Variants in COL5A1 observed in about 807,000 individuals in gnomAD.
COL5A1 encodes the protein collagen alpha-1(V) chain.
In COL5A1, 16 loss-of-function variants were observed where a neutral mutation model predicts 263.7. The observed-to-expected ratio is 0.06, with a 90% CI of 0.04 to 0.09. The LOEUF (loss-of-function observed/expected upper bound fraction) is 0.09. Ranked by LOEUF, COL5A1 falls within the 10% of genes least tolerant of loss-of-function variation. COL5A1 has a pLI of 1.00. For synonymous variants in COL5A1, 1,012 were observed against 1,004.5 expected (o/e 1.01, Z -0.14); for missense variants, 2,036 against 2,540.5 (o/e 0.80, Z 4.27).
At position 134,731,564 on chromosome 9, in the gene COL5A1, C is replaced by T. The variant is rs1834881470; in HGVS notation, c.1233C>T (p.Asn411=). The change falls in exon 8 of 66, where the codon AAC becomes AAT. Residue 411 remains asparagine (N), a synonymous_variant. Coordinates refer to ENST00000371817, the MANE Select transcript of COL5A1 (RefSeq NM_000093.5). ...AGTTCACTGAGGAAACGATCCGGAACCTTGACGAGAACTACTACGACCCCT... is the reference window on the plus strand; with the variant it reads ...AGTTCACTGAGGAAACGATCCGGAATCTTGACGAGAACTACTACGACCCCT... The part of the protein sequence containing the change: ...EGEFTEETIR[N]LDENYYDPYY... 2 of 1,614,214 alleles carry T rather than the reference C, an allele frequency of 1.2e-6. No homozygotes were observed. Among genetic ancestry groups the T allele is most frequent in the Middle Eastern group, 1.6e-4 (1 of 6,062 alleles).
At chr9:134,783,504 G>A (rs548887092) in intron 29 of COL5A1, among the ~76,000 whole-genome samples, 2 of 152,156 alleles carry the variant, frequency 1.3e-5, no homozygotes, top group Admixed American at 6.5e-5. Flanking sequence ...ACCTCTCAGC[G>A]AGCAGAAGCC....
chr9:134,774,742 TG>T, intron 26 of COL5A1, 116 bp from the exon 27 acceptor site: 1 of 1,059,018 alleles, frequency 9.4e-7, no homozygotes, highest in Non-Finnish European at 1.4e-6. Context: ...GGCTCTGAGC[TG>T]GGATGTTCGC....
intron 18 of COL5A1, among the ~76,000 whole-genome samples, chr9:134,760,398 CCCCACACT>C (rs1489015545): frequency 1.1e-5 from 1 of 94,372 alleles, no homozygotes; most frequent in African/African-American, 6.2e-5. Flanking sequence ...ACCCCCACAC[CCCCACACT>C]CATACACACA....
Position 134,678,057 on chromosome 9 carries a change from C to T in COL5A1, c.110-12855C>T, listed in dbSNP as rs1296740793. On this transcript the variant is annotated intron_variant, in intron 1 of 65. Coordinates refer to ENST00000371817, the MANE Select transcript of COL5A1 (RefSeq NM_000093.5). The surrounding 1 kb of genome is among the most constrained non-coding windows in gnomAD (Gnocchi z 5.5). ...GAGCCTCGCTCTGCCCTCATCATGG[C>T]CCCAGTGCTCTCCCCAGCGTCACTC... Among the ~76,000 whole-genome samples, 2 of 152,254 alleles carry T rather than the reference C, an allele frequency of 1.3e-5. No homozygotes were observed. The highest frequency in any genetic ancestry group is 2.9e-5 in the Non-Finnish European group (2 of 68,044).
In COL5A1 at chr9:134,678,039, G is replaced by A. The variant is rs957189909; in HGVS notation, c.110-12873G>A. Among the ~76,000 whole-genome samples, 2 of 152,206 alleles carry A rather than the reference G, an allele frequency of 1.3e-5. No individual in the cohort carries two copies. The highest frequency in any genetic ancestry group is 2.9e-5 in the Non-Finnish European group (2 of 68,034). The stretch of plus-strand genomic sequence containing the variant: ...TCCGCTCTTCCTCGGATTGAGCCTC[G>A]CTCTGCCCTCATCATGGCCCCAGTG... On this transcript the variant is annotated intron_variant, in intron 1 of 65. Transcript: ENST00000371817. This position sits in a 1 kb window ranked among gnomAD's most constrained non-coding sequence, Gnocchi z 5.5.
chr9:134,695,671 G>A (rs1249795791), intron 2 of COL5A1, among the ~76,000 whole-genome samples: 1 of 152,184 alleles, frequency 6.6e-6, no homozygotes, highest in Non-Finnish European at 1.5e-5. Context: ...ATAAGATGCG[G>A]GGTTCCCACC....
At chr9:134,819,866 A>G (rs1838922920) in intron 57 of COL5A1, among the ~76,000 whole-genome samples, 1 of 152,154 alleles carries the variant, frequency 6.6e-6, no homozygotes, top group Non-Finnish European at 1.5e-5. Flanking sequence ...CCCCTTTATC[A>G]CTTTGGTCTG....
chr9:134,698,135 A>G (rs1259196106), intron 2 of COL5A1, among the ~76,000 whole-genome samples: 1 of 152,216 alleles, frequency 6.6e-6, no homozygotes, highest in East Asian at 1.9e-4. Context: ...GCTTGTGTCT[A>G]GACATGGGAG....
intron 1 of COL5A1, among the ~76,000 whole-genome samples, chr9:134,661,015 G>A (rs568326418): frequency 6.6e-6 from 1 of 152,018 alleles, no homozygotes; most frequent in Non-Finnish European, 1.5e-5. Flanking sequence ...CATGCACCTG[G>A]GTTCTTTTAG....
rs1445654878 is a variant in COL5A1 at position 134,833,118 on chromosome 9, G to A, written c.5137-1853G>A. 3.4e-5 allele frequency among the ~76,000 whole-genome samples: 5 copies of A among 147,482 alleles called. 1 individual carries two copies. Among genetic ancestry groups the A allele is most frequent in the African/African-American group, 1.1e-4 (4 of 37,046 alleles). The stretch of plus-strand genomic sequence containing the variant: ...TTCCCTGATGCTGCAAACAGGACAG[G>A]CTGCCCTGCCCAGCCAGGCCTTCCC... On this transcript the variant is annotated intron_variant, in intron 64 of 65. Coordinates refer to ENST00000371817, the MANE Select transcript of COL5A1 (RefSeq NM_000093.5).
intron 1 of COL5A1, among the ~76,000 whole-genome samples, chr9:134,671,480 A>T (rs568075082): frequency 6.6e-6 from 1 of 152,296 alleles, no homozygotes; most frequent in African/African-American, 2.4e-5. Context: ...CGGGGAAGTA[A>T]TGTAAAATAT....
chr9:134,792,077 C>A (rs1564461593), intron 32 of COL5A1, among the ~76,000 whole-genome samples: 1 of 152,192 alleles, frequency 6.6e-6, no homozygotes, highest in Admixed American at 6.5e-5. Context: ...GGAAAGCAGG[C>A]AGAGCTGTGG....
chr9:134,802,016 C>T lies in COL5A1; in HGVS notation c.3006+9C>T. 6.2e-7 allele frequency: 1 copy of T among 1,613,210 alleles called. No homozygotes were observed. The highest frequency in any genetic ancestry group is 1.1e-5 in the South Asian group (1 of 91,086). Reference sequence around the variant, plus strand: ...GCGTGGTCGGCCCTCAGGTAAGCTCCAGCCTTCCCAGATTCCATGGGTCAC... The same window carrying T: ...GCGTGGTCGGCCCTCAGGTAAGCTCTAGCCTTCCCAGATTCCATGGGTCAC... On this transcript the variant is annotated intron_variant, in intron 38 of 65. Transcript: ENST00000371817.
intron 4 of COL5A1, among the ~76,000 whole-genome samples, chr9:134,719,429 T>C (rs945124493): frequency 1.8e-4 from 27 of 152,198 alleles, no homozygotes; most frequent in African/African-American, 6.3e-4. Flanking sequence ...CACGCACACG[T>C]ATGTATGCAC....
At position 134,742,047 on chromosome 9, in the gene COL5A1, C is replaced by T. The variant is rs1286138899; in HGVS notation, c.1494+3239C>T. Among the ~76,000 whole-genome samples the T allele has an allele frequency of 6.6e-6, 1 of 152,194 alleles. No homozygotes were observed. The highest frequency in any genetic ancestry group is 1.5e-5 in the Non-Finnish European group (1 of 68,040). On this transcript the variant is annotated intron_variant, in intron 11 of 65. Transcript: ENST00000371817. This position sits in a 1 kb window ranked among gnomAD's most constrained non-coding sequence, Gnocchi z 4.6. Reference sequence around the variant, plus strand: ...GTCTGTGCACCTGTGCCGTGGCATCCCACTGGGTATCATGCAGCCCTGACC... The same window carrying T: ...GTCTGTGCACCTGTGCCGTGGCATCTCACTGGGTATCATGCAGCCCTGACC...
intron 18 of COL5A1, among the ~76,000 whole-genome samples, chr9:134,760,817 C>CAT (rs1836384809): frequency 1.3e-5 from 2 of 148,586 alleles, no homozygotes; most frequent in Admixed American, 1.3e-4. Context: ...CACACCCCCA[C>CAT]ATGCATACAC....
At chr9:134,762,126 T>G (rs1210108759) in intron 19 of COL5A1, 148 bp downstream of exon 19, 3 of 801,524 alleles carry the variant, frequency 3.7e-6, no homozygotes, top group Non-Finnish European at 6.4e-6. Context: ...GGGATTCCAG[T>G]GGGCAAAGCG....
At position 134,809,167 on chromosome 9, in the gene COL5A1, C is replaced by G. The variant is rs1166753078; in HGVS notation, c.3367-16C>G. Reference sequence around the variant, plus strand: ...GTTGGAGCCACGTTTGACCTGAGATCTTCTGTATTCTCTAGGGCGAGAAAG... The same window carrying G: ...GTTGGAGCCACGTTTGACCTGAGATGTTCTGTATTCTCTAGGGCGAGAAAG... On this transcript the variant is annotated splice_polypyrimidine_tract_variant and intron_variant, in intron 42 of 65. Coordinates refer to ENST00000371817, the MANE Select transcript of COL5A1 (RefSeq NM_000093.5). 6 of 1,559,474 alleles carry G rather than the reference C, an allele frequency of 3.8e-6. No homozygotes were observed. The Admixed American group carries it at 1.1e-4, about 30-fold the overall frequency.
intron 63 of COL5A1, among the ~76,000 whole-genome samples, chr9:134,828,498 C>CACCACACAT (rs1327809376): frequency 6.0e-4 from 91 of 151,060 alleles, no homozygotes; most frequent in Non-Finnish European, 9.5e-4. Context: ...ACAGGCCACA[C>CACCACACAT]ACCACACATA....
Sources: allele counts gnomAD v4.1 joint callset (sites outside exome capture counted in the v4.1 genomes callset), GRCh38; gene constraint gnomAD v4.1.1; non-coding constraint Gnocchi (gnomAD v3.1); transcripts MANE v1.5; gene names NCBI Gene and HGNC (gene_info 2026-07-23, HGNC 2026-07-21).